Variants in NME7 observed in about 807,000 individuals in gnomAD.
NME7 encodes the protein nucleoside diphosphate kinase 7.
Under a neutral mutation model 49.1 loss-of-function variants are expected in NME7, and 41 were observed. The observed-to-expected ratio is 0.83, with a 90% confidence interval of 0.65 to 1.08. The LOEUF (loss-of-function observed/expected upper bound fraction) is 1.08. Ranked by LOEUF, NME7 falls within the 50% of genes least tolerant of loss-of-function variation. The pLI is 0.00. For missense variants in NME7, 423 were observed against 463.4 expected (o/e 0.91, Z 0.80); for synonymous variants, 139 against 150.6 (o/e 0.92, Z 0.56).
intron 2 of NME7, 63 bp from the exon 3 acceptor site, chr1:169,323,346 C>T: frequency 4.6e-6 from 6 of 1,317,148 alleles, no homozygotes; most frequent in Non-Finnish European, 6.1e-6. Context: ...GAAAGTTAAT[C>T]TCATCATAAG....
chr1:169,279,534 A>G (rs879192520), intron 7 of NME7, among the ~76,000 whole-genome samples: 1 of 152,168 alleles, frequency 6.6e-6, no homozygotes, highest in South Asian at 2.1e-4. Context: ...TTCCTAAGCC[A>G]TCAGAAAAGC....
intron 7 of NME7, among the ~76,000 whole-genome samples, chr1:169,254,369 C>A (rs927041873): frequency 6.6e-6 from 1 of 151,988 alleles, no homozygotes; most frequent in Non-Finnish European, 1.5e-5. Context: ...TTGTAGTATT[C>A]TCTGATGGTA....
intron 10 of NME7, among the ~76,000 whole-genome samples, chr1:169,202,395 C>T (rs948654321): frequency 1.3e-5 from 2 of 152,170 alleles, no homozygotes; most frequent in African/African-American, 4.8e-5. Flanking sequence ...ATGTGACATG[C>T]CTGCTCTTGC....
At chr1:169,159,327 T>G (rs1659173742) in intron 11 of NME7, among the ~76,000 whole-genome samples, 1 of 152,172 alleles carries the variant, frequency 6.6e-6, no homozygotes, top group African/African-American at 2.4e-5. Flanking sequence ...GGGTGACTGA[T>G]GGTATTACGG....
At chr1:169,170,309 G>T (rs1557971762) in intron 10 of NME7, among the ~76,000 whole-genome samples, 1 of 152,122 alleles carries the variant, frequency 6.6e-6, no homozygotes. Context: ...GAGAGGCCAA[G>T]GTCGTAAGTG....
chr1:169,339,812 G>C (rs1404232359), intron 1 of NME7, among the ~76,000 whole-genome samples: 2 of 152,188 alleles, frequency 1.3e-5, no homozygotes, highest in Non-Finnish European at 2.9e-5. Context: ...TTGGCCAGTA[G>C]AAGCCAGTGG....
intron 10 of NME7, among the ~76,000 whole-genome samples, chr1:169,218,047 C>T (rs1177939453): frequency 6.6e-6 from 1 of 152,176 alleles, no homozygotes; most frequent in South Asian, 2.1e-4. Flanking sequence ...ACAAATATCT[C>T]AGACTTAAAT....
At chr1:169,262,975 C>G (rs7532362) in intron 7 of NME7, among the ~76,000 whole-genome samples, 4,192 of 133,068 alleles carry the variant, frequency 0.032, 590 homozygotes, top group African/African-American at 0.099. Flanking sequence ...GACACAAAGG[C>G]AGTAATAACT....
chr1:169,268,588 T>C (rs987993191), intron 7 of NME7, among the ~76,000 whole-genome samples: 1 of 133,624 alleles, frequency 7.5e-6, no homozygotes, highest in Non-Finnish European at 1.8e-5. Context: ...ATATACACCA[T>C]GGAATACTCT....
intron 10 of NME7, among the ~76,000 whole-genome samples, chr1:169,187,842 C>T (rs551953164): frequency 3.3e-5 from 5 of 151,990 alleles, no homozygotes; most frequent in Non-Finnish European, 5.9e-5. Context: ...TTCATAGTGT[C>T]AGTGGTCTTT....
intron 5 of NME7, among the ~76,000 whole-genome samples, chr1:169,301,154 A>G (rs1379153650): frequency 6.6e-6 from 1 of 152,138 alleles, no homozygotes; most frequent in Non-Finnish European, 1.5e-5. Flanking sequence ...CCACAGAATG[A>G]GAGAAAATAT....
chr1:169,298,878 C>G, intron 5 of NME7, 115 bp from the exon 6 acceptor site: 3 of 901,300 alleles, frequency 3.3e-6, no homozygotes, highest in Non-Finnish European at 5.0e-6. Flanking sequence ...ATATTATAAT[C>G]TTAGAACCAT....
intron 7 of NME7, among the ~76,000 whole-genome samples, chr1:169,248,630 T>C (rs1571324162): frequency 6.6e-6 from 1 of 152,202 alleles, no homozygotes; most frequent in Non-Finnish European, 1.5e-5. Context: ...TTTACATCTT[T>C]GAACCATCTT....
At position 169,135,548 on chromosome 1, in the gene NME7, G is replaced by C. The variant is rs146335505; in HGVS notation, c.1099-2731C>G. Among the ~76,000 whole-genome samples the C allele has an allele frequency of 6.0e-3, 913 of 152,260 alleles. 8 individuals carry two copies. Among genetic ancestry groups the C allele is most frequent in the Middle Eastern group, 0.017 (5 of 294 alleles). On this transcript the variant is annotated intron_variant, in intron 11 of 11. Coordinates refer to ENST00000367811, the MANE Select transcript of NME7 (RefSeq NM_013330.5). ...TAATTGAGTGAATAAAGTGATCTTG[G>C]TTTCAAATTCAACTGAGAAAACATG...
At chr1:169,295,030 C>T (rs1039210213) in intron 6 of NME7, among the ~76,000 whole-genome samples, 1 of 152,090 alleles carries the variant, frequency 6.6e-6, no homozygotes, top group African/African-American at 2.4e-5. Context: ...TGACACCTCT[C>T]CCGGTGGCTT....
At chr1:169,253,687 C>T (rs921177333) in intron 7 of NME7, among the ~76,000 whole-genome samples, 3 of 152,166 alleles carry the variant, frequency 2.0e-5, no homozygotes, top group Non-Finnish European at 4.4e-5. Flanking sequence ...CAGTATGATA[C>T]TGGCTGTGGG....
intron 1 of NME7, among the ~76,000 whole-genome samples, chr1:169,325,144 C>A (rs900808561): frequency 3.9e-5 from 6 of 152,004 alleles, no homozygotes; most frequent in African/African-American, 1.4e-4. Context: ...ACTAGAAAAG[C>A]CGATAAAAAC....
chr1:169,331,933 A>G (rs1652270174), intron 1 of NME7, among the ~76,000 whole-genome samples: 1 of 152,238 alleles, frequency 6.6e-6, no homozygotes, highest in Admixed American at 6.5e-5. Flanking sequence ...CAAAATACCA[A>G]TGTCGTTCTT....
intron 1 of NME7, among the ~76,000 whole-genome samples, chr1:169,360,594 T>G (rs10800438): frequency 0.65 from 98,389 of 151,882 alleles, 32,129 homozygotes; most frequent in East Asian, 0.93. Flanking sequence ...AGCCACACTA[T>G]CTCCCTCCTG....
Sources: allele counts gnomAD v4.1 joint callset (sites outside exome capture counted in the v4.1 genomes callset), GRCh38; gene constraint gnomAD v4.1.1; transcripts MANE v1.5; gene names NCBI Gene and HGNC (gene_info 2026-07-23, HGNC 2026-07-21).